Variants in ARL10 observed in about 807,000 individuals in gnomAD.
ARL10 encodes the protein ADP-ribosylation factor-like protein 10.
A neutral mutation model predicts 26.1 loss-of-function variants in ARL10; 23 were observed. The ratio of observed to expected loss-of-function variants is 0.88; its 90% CI spans 0.63 to 1.25. The LOEUF (loss-of-function observed/expected upper bound fraction) is 1.25. Among genes scored for constraint, ARL10 ranks in the 50% most tolerant of loss-of-function variants. The pLI is 0.00. For missense variants in ARL10, 300 were observed against 323.6 expected, an observed-to-expected ratio of 0.93 and a Z score of 0.56; for synonymous variants, 138 against 149.1, an observed-to-expected ratio of 0.93 and a Z score of 0.54.
chr5:176,398,613 G>A (rs943254887), intron 1 of ARL10, among the ~76,000 whole-genome samples: 2 of 151,968 alleles, frequency 1.3e-5, no homozygotes, highest in African/African-American at 4.8e-5. Flanking sequence ...TCCGGAGGCT[G>A]AGGCAGGAGA....
At chr5:176,385,370 G>A, downstream of ARL10, 1 of 1,181,538 alleles carries the variant, frequency 8.5e-7, no homozygotes. Context: ...ATGAGGCTTT[G>A]CTTTCTGTGC....
At chr5:176,386,536 A>G (rs1301482459), downstream of ARL10, 2 of 434,684 alleles carry the variant, frequency 4.6e-6, no homozygotes, top group Non-Finnish European at 4.3e-6. Flanking sequence ...GTTCATCCTT[A>G]AATTCATGAG....
At chr5:176,371,249 C>T (rs535739004) in intron 3 of ARL10, among the ~76,000 whole-genome samples, 5 of 152,278 alleles carry the variant, frequency 3.3e-5, no homozygotes, top group African/African-American at 1.2e-4. Context: ...GTGGCTCACA[C>T]CTGTAGTCCC....
the ARL10 span, among the ~76,000 whole-genome samples, chr5:176,410,484 A>G: frequency 1.3e-5 from 2 of 152,234 alleles, no homozygotes; most frequent in African/African-American, 4.8e-5. Context: ...GACTGTTTAT[A>G]AAGCCTCTCA....
rs1327828984 is a variant in ARL10, at chr5:176,366,452, G to C, written c.256G>C (p.Asp86His). 1 of 1,613,706 alleles carries C rather than the reference G, an allele frequency of 6.2e-7. No homozygotes were observed. ...EQREVLVLGL[D>H]GAGKSTFLRV... ...GCGCGAGGTGCTGGTGCTGGGGCTG[G>C]ATGGCGCAGGCAAGAGCACGTTCCT... Residue 86 changes from aspartate (D) to histidine (H), a missense_variant, in exon 2 of 4, where the codon GAT (aspartate) becomes CAT (histidine). By Grantham distance (81) the Asp-to-His change is moderately conservative. Transcript: ENST00000310389.
chr5:176,394,180 G>A (rs1007133862), intron 1 of ARL10, among the ~76,000 whole-genome samples: 3 of 152,232 alleles, frequency 2.0e-5, no homozygotes, highest in African/African-American at 7.2e-5. Context: ...GGCAAGTGGG[G>A]ATGAGGGGAG....
At chr5:176,411,722 G>A in the ARL10 span, among the ~76,000 whole-genome samples, 1,980 of 152,216 alleles carry the variant, frequency 0.013, 35 homozygotes, top group African/African-American at 0.046. Flanking sequence ...TGCCAGATAA[G>A]TACATCTAAC....
chr5:176,413,863 A>G, the ARL10 span, among the ~76,000 whole-genome samples: 2 of 152,232 alleles, frequency 1.3e-5, no homozygotes, highest in East Asian at 3.8e-4. Flanking sequence ...CAGAGTCAGC[A>G]GGTATGCGCC....
At chr5:176,409,406 CTTTTTT>C in the ARL10 span, among the ~76,000 whole-genome samples, 2 of 79,656 alleles carry the variant, frequency 2.5e-5, no homozygotes, top group Non-Finnish European at 4.5e-5. Flanking sequence ...TCTGATTGCC[CTTTTTT>C]TTTTTTTTTT....
At chr5:176,366,008 G>A (rs1402685546) in intron 1 of ARL10, among the ~76,000 whole-genome samples, 1 of 152,288 alleles carries the variant, frequency 6.6e-6, no homozygotes, top group East Asian at 1.9e-4. Context: ...GTGTTCCAGC[G>A]GGGGCCGGAG....
intron 1 of ARL10, chr5:176,398,113 G>A: frequency 2.1e-6 from 3 of 1,427,672 alleles, no homozygotes; most frequent in Non-Finnish European, 3.0e-6. Context: ...TGCTGCCCCT[G>A]CTGGGGACCC....
chr5:176,384,967 A>C (rs1416780864), downstream of ARL10: 3 of 581,780 alleles, frequency 5.2e-6, no homozygotes, highest in Admixed American at 8.9e-5. Flanking sequence ...TCTTGAAAAC[A>C]AAAACAAACC....
the ARL10 span, among the ~76,000 whole-genome samples, chr5:176,413,605 C>T: frequency 1.3e-5 from 2 of 152,240 alleles, no homozygotes; most frequent in Admixed American, 1.3e-4. Context: ...GAGAAGGTGC[C>T]TCAGAGGTAC....
At chr5:176,389,626 C>T, downstream of ARL10, 2 of 1,027,454 alleles carry the variant, frequency 1.9e-6, no homozygotes, top group South Asian at 1.7e-5. Flanking sequence ...GAGGAAGTGA[C>T]CCTTTGTGTA....
chr5:176,397,760 G>C (rs1421519280), intron 1 of ARL10: 5 of 1,583,604 alleles, frequency 3.2e-6, no homozygotes, highest in Middle Eastern at 1.7e-4. Flanking sequence ...TTCCAGCTGG[G>C]ATGCACAGGC....
intron 1 of ARL10, among the ~76,000 whole-genome samples, chr5:176,399,459 G>A (rs1397919632): frequency 6.6e-6 from 1 of 152,194 alleles, no homozygotes; most frequent in Non-Finnish European, 1.5e-5. Context: ...TTGAAAAATG[G>A]GGCTGGGCAT....
rs56310724 is a variant in ARL10, at chr5:176,375,335, T to TCCACCCATCCATCCATCCATCCATC, written c.*3441_*3442insCACCCATCCATCCATCCATCCATCC. The TCCACCCATCCATCCATCCATCCATC allele has an allele frequency of 2.5e-5, 1 of 40,690 alleles. No homozygotes were observed. The highest frequency in any genetic ancestry group is 1.1e-3 in the South Asian group (1 of 872). 2.5% of individuals were successfully genotyped at this position (40,690 alleles called of 1,614,324 possible). On this transcript the variant is annotated 3_prime_UTR_variant, in exon 4 of 4. Coordinates refer to ENST00000310389, the MANE Select transcript of ARL10 (RefSeq NM_173664.6). ...ATCCATCCATCCATCCATCCATCCA[T>TCCACCCATCCATCCATCCATCCATC]CATCCACCCATCCATCCATCCATCC...
intron 1 of ARL10, chr5:176,397,867 A>T (rs965883386): frequency 2.4e-5 from 35 of 1,486,224 alleles, no homozygotes; most frequent in Non-Finnish European, 2.9e-5. Flanking sequence ...CACTCCGAGG[A>T]CTCCCCACAC....
At chr5:176,383,149 T>C (rs1755592691), downstream of ARL10, among the ~76,000 whole-genome samples, 1 of 152,192 alleles carries the variant, frequency 6.6e-6, no homozygotes, top group Non-Finnish European at 1.5e-5. Context: ...TGACACCTTA[T>C]AGCCTGTTTC....
Sources: gnomAD v4.1 joint callset for allele counts (sites outside exome capture counted in the v4.1 genomes callset) on GRCh38, gnomAD v4.1.1 for gene constraint, MANE v1.5 for transcripts, NCBI Gene and HGNC (gene_info 2026-07-23, HGNC 2026-07-21) for gene names.